PROSER2: variants seen among roughly 807,000 people sequenced by gnomAD.
The protein encoded by PROSER2 is proline and serine rich 2.
In PROSER2, 18 loss-of-function variants were observed where a neutral mutation model predicts 14.6. The observed-to-expected ratio is 1.23, with a 90% CI of 0.85 to 1.83. The LOEUF (loss-of-function observed/expected upper bound fraction) is 1.83, where lower values mean the gene tolerates loss of function less well. PROSER2 is among the 40% of genes most tolerant of loss of function. PROSER2 has a pLI of 0.00. For missense variants in PROSER2, 823 were observed against 629.8 expected (o/e 1.31, Z -3.28); for synonymous variants, 367 against 286.4 (o/e 1.28, Z -2.84).
chr10:11,857,940 T>C (rs368126362), intron 2 of PROSER2, among the ~76,000 whole-genome samples: 10 of 151,970 alleles, frequency 6.6e-5, no homozygotes, highest in African/African-American at 2.2e-4. Flanking sequence ...AATTTCTTTT[T>C]TTTTCCCCCC....
rs1293640951 is a variant in PROSER2 at position 11,856,881 on chromosome 10, C to G, written c.138+4666C>G. 6.6e-6 allele frequency among the ~76,000 whole-genome samples: 1 copy of G among 152,218 alleles called. No homozygotes were observed. Among genetic ancestry groups the G allele is most frequent in the African/African-American group, 2.4e-5 (1 of 41,450 alleles). On this transcript the variant is annotated intron_variant, in intron 2 of 3. Transcript: ENST00000277570. This position sits in a 1 kb window ranked among gnomAD's most constrained non-coding sequence, Gnocchi z 5.3. ...TGATGTGCTGTTTGCTCTGTGACTT[C>G]AGGAGGGGACACTGAACCGGAGGTG...
chr10:11,870,214 G>A lies in PROSER2; in HGVS notation c.1116G>A (p.Pro372=), dbSNP rs746023256. 1.1e-5 allele frequency: 16 copies of A among 1,489,362 alleles called. No individual in the cohort carries two copies. The highest frequency in any genetic ancestry group is 1.4e-5 in the Non-Finnish European group (16 of 1,126,878). 92.3% of individuals were successfully genotyped at this position (1,489,362 alleles called of 1,614,324 possible). ...AGKSLCFRPG[P]ALPSTRARQS... The stretch of plus-strand genomic sequence containing the variant: ...AGTCCCTCTGCTTCCGCCCTGGCCC[G>A]GCCCTGCCCAGCACGCGGGCCCGTC... The change falls in exon 4 of 4, where the codon CCG becomes CCA. Residue 372 remains proline (P), a synonymous_variant. Coordinates refer to ENST00000277570, the MANE Select transcript of PROSER2 (RefSeq NM_153256.4).
chr10:11,846,491 T>C lies in PROSER2; in HGVS notation c.-81-5506T>C, dbSNP rs908238438. On this transcript the variant is annotated intron_variant, in intron 1 of 3. Coordinates refer to ENST00000277570, the MANE Select transcript of PROSER2 (RefSeq NM_153256.4). Reference sequence around the variant, plus strand: ...CTTTCTGTCATTCTCTCTCTAGCTATATTTGATCTTCTGTTTATGCCATCT... The same window carrying C: ...CTTTCTGTCATTCTCTCTCTAGCTACATTTGATCTTCTGTTTATGCCATCT... 1.7e-4 allele frequency among the ~76,000 whole-genome samples: 26 copies of C among 152,370 alleles called. 1 individual carries two copies. The highest frequency in any genetic ancestry group is 5.8e-4 in the African/African-American group (24 of 41,590).
chr10:11,869,537 C>A lies in PROSER2; in HGVS notation c.439C>A (p.Pro147Thr), dbSNP rs753311933. ...KEHRKQDAET[P>T]PPPDPPAPET... The stretch of plus-strand genomic sequence containing the variant: ...GCACAGGAAACAAGATGCTGAGACT[C>A]CTCCACCTCCAGACCCCCCGGCTCC... The change falls in exon 4 of 4, where the codon CCT becomes ACT. Residue 147 changes from proline (P) to threonine (T), a missense_variant. Pro to Thr is a conservative substitution (Grantham distance 38, BLOSUM62 -1). Transcript: ENST00000277570. The surrounding 1 kb of genome is among the most constrained non-coding windows in gnomAD (Gnocchi z 4.4). 1.2e-5 allele frequency: 20 copies of A among 1,613,652 alleles called. No individual in the cohort carries two copies. The highest frequency in any genetic ancestry group is 8.3e-5 in the Admixed American group (5 of 60,000).
At chr10:11,824,522 G>A (rs1833584619) in intron 1 of PROSER2, among the ~76,000 whole-genome samples, 1 of 152,180 alleles carries the variant, frequency 6.6e-6, no homozygotes, top group Admixed American at 6.5e-5. Context: ...GAATGTTACT[G>A]ATTGTTTTTC....
In PROSER2 at chr10:11,870,525, CTG is replaced by C; in HGVS notation, c.*122_*123del. The C allele has an allele frequency of 1.1e-6, 1 of 887,972 alleles. No individual in the cohort carries two copies. 55.0% of individuals were successfully genotyped at this position (887,972 alleles called of 1,614,324 possible). ...AAGTGACAGCGGGAGCCCCTGCCCTCTGTGGCACATCGGAGTCTAGAGGTGCC... is the reference window on the plus strand; with the variant it reads ...AAGTGACAGCGGGAGCCCCTGCCCTCTGGCACATCGGAGTCTAGAGGTGCC... On this transcript the variant is annotated 3_prime_UTR_variant, in exon 4 of 4. Transcript: ENST00000277570.
At chr10:11,840,750 C>T (rs970746515) in intron 1 of PROSER2, among the ~76,000 whole-genome samples, 2 of 151,274 alleles carry the variant, frequency 1.3e-5, no homozygotes, top group African/African-American at 4.9e-5. Flanking sequence ...CATGGCGAAA[C>T]CCTGTCTCTA....
intron 2 of PROSER2, among the ~76,000 whole-genome samples, chr10:11,852,997 G>A (rs537167890): frequency 1.4e-4 from 22 of 152,204 alleles, no homozygotes; most frequent in African/African-American, 4.6e-4. Context: ...TGCCTTCCCC[G>A]GTGAGGACAT....
At position 11,870,236 on chromosome 10, in the gene PROSER2, C is replaced by T. The variant is rs775645388; in HGVS notation, c.1138C>T (p.Arg380Cys). 3 of 1,489,578 alleles carry T rather than the reference C, an allele frequency of 2.0e-6. No individual in the cohort carries two copies. Among genetic ancestry groups the T allele is most frequent in the Non-Finnish European group, 8.9e-7 (1 of 1,127,544 alleles). The allele number at this position is 1,489,578 out of a possible 1,614,324, so 92.3% of individuals were successfully genotyped here. Residue 380 changes from arginine to cysteine, a missense_variant, in exon 4 of 4, where the codon CGT becomes TGT. Physicochemically the swap from Arg to Cys is radical, Grantham distance 180. Transcript: ENST00000277570. ...PGPALPSTRA[R>C]QSFPGPRQPN... ...CCCGGCCCTGCCCAGCACGCGGGCC[C>T]GTCAGAGCTTCCCCGGGCCCCGGCA...
intron 1 of PROSER2, among the ~76,000 whole-genome samples, chr10:11,825,257 A>T (rs978327095): frequency 2.0e-5 from 3 of 150,942 alleles, no homozygotes; most frequent in African/African-American, 7.3e-5. Context: ...TCTAGAACTT[A>T]GAAGTTCAAG....
intron 1 of PROSER2, among the ~76,000 whole-genome samples, chr10:11,843,087 C>G (rs1833871615): frequency 1.3e-5 from 2 of 150,284 alleles, no homozygotes; most frequent in African/African-American, 2.4e-5. Flanking sequence ...ATTACAGGCG[C>G]CCGCCACCAT....
At chr10:11,846,533 G>A (rs1417596635) in intron 1 of PROSER2, among the ~76,000 whole-genome samples, 1 of 151,888 alleles carries the variant, frequency 6.6e-6, no homozygotes, top group Non-Finnish European at 1.5e-5. Flanking sequence ...TTTTTTCTTT[G>A]TTATCAATTT....
At position 11,870,308 on chromosome 10, in the gene PROSER2, C is replaced by G; in HGVS notation, c.1210C>G (p.Pro404Ala). Residue 404 changes from proline to alanine, a missense_variant, in exon 4 of 4, where the codon CCC (proline) becomes GCC (alanine). By Grantham distance (27) the Pro-to-Ala change is conservative. Coordinates refer to ENST00000277570, the MANE Select transcript of PROSER2 (RefSeq NM_153256.4). The part of the protein sequence containing the change: ...DWRRADSLPR[P>A]QGITVQFAGR... ...GCGCCGCGCAGACTCCCTGCCCCGG[C>G]CCCAGGGCATCACCGTGCAGTTCGC... The G allele has an allele frequency of 6.7e-7, 1 of 1,494,972 alleles. No individual in the cohort carries two copies. The allele number at this position is 1,494,972 out of a possible 1,614,324, so 92.6% of individuals were successfully genotyped here.
intron 1 of PROSER2, chr10:11,851,705 T>A (rs62621205): frequency 0.019 from 2,962 of 157,006 alleles, 86 homozygotes; most frequent in African/African-American, 0.066. Context: ...AGGAGGATCG[T>A]TGGAGCCCAA....
At chr10:11,835,149 A>C (rs1833743902) in intron 1 of PROSER2, among the ~76,000 whole-genome samples, 1 of 151,458 alleles carries the variant, frequency 6.6e-6, no homozygotes, top group South Asian at 2.1e-4. Context: ...AGTGTTAGTT[A>C]TTGCAATATC....
At chr10:11,851,606 A>G (rs1834018039) in intron 1 of PROSER2, 1 of 152,334 alleles carries the variant, frequency 6.6e-6, no homozygotes, top group Non-Finnish European at 1.5e-5. Context: ...CAGCAAAGTC[A>G]TCTTGAATAT....
intron 3 of PROSER2, among the ~76,000 whole-genome samples, chr10:11,868,925 AC>A (rs1834406040): frequency 6.6e-6 from 1 of 152,228 alleles, no homozygotes; most frequent in Non-Finnish European, 1.5e-5. Context: ...TGCTGGGATT[AC>A]AGGTGCGAGC....
At chr10:11,839,441 G>T (rs953824623) in intron 1 of PROSER2, among the ~76,000 whole-genome samples, 1 of 152,156 alleles carries the variant, frequency 6.6e-6, no homozygotes, top group African/African-American at 2.4e-5. Flanking sequence ...TATATCAAGC[G>T]ATTTCTGTTG....
intron 1 of PROSER2, among the ~76,000 whole-genome samples, chr10:11,842,010 C>G (rs2131059013): frequency 6.6e-6 from 1 of 152,196 alleles, no homozygotes; most frequent in East Asian, 1.9e-4. Context: ...ATTGCCTGAG[C>G]TCAGGAGTTT....
Sources: gnomAD v4.1 joint callset for allele counts (sites outside exome capture counted in the v4.1 genomes callset) on GRCh38, gnomAD v4.1.1 for gene constraint, Gnocchi (gnomAD v3.1) non-coding constraint, MANE v1.5 for transcripts, NCBI Gene and HGNC (gene_info 2026-07-23, HGNC 2026-07-21) for gene names.